The following STARD13 variants were observed in gnomAD, a reference collection of about 807,000 sequenced individuals.
The protein encoded by STARD13 is StAR related lipid transfer domain containing 13.
In STARD13, 62 loss-of-function variants were observed where a neutral mutation model predicts 106.4. The observed-to-expected ratio is 0.58, with a 90% CI of 0.48 to 0.72. STARD13 has a LOEUF of 0.72. Among genes scored for constraint, STARD13 ranks in the 30% least tolerant of loss-of-function variants. STARD13 has a pLI of 0.00. For synonymous variants in STARD13, 565 were observed against 553.0 expected (o/e 1.02, Z -0.31); for missense variants, 1,387 against 1,424.0 (o/e 0.97, Z 0.42).
the STARD13 span, among the ~76,000 whole-genome samples, chr13:33,664,830 G>A: frequency 6.6e-6 from 1 of 152,064 alleles, no homozygotes; most frequent in Non-Finnish European, 1.5e-5. Context: ...GTTTCACCAC[G>A]TTAGCCACTA....
At chr13:33,560,605 T>A in the STARD13 span, among the ~76,000 whole-genome samples, 1 of 151,486 alleles carries the variant, frequency 6.6e-6, no homozygotes, top group Non-Finnish European at 1.5e-5. Flanking sequence ...GAATGGGTTT[T>A]GGCAGCAACA....
the STARD13 span, among the ~76,000 whole-genome samples, chr13:33,637,448 C>G: frequency 6.6e-6 from 1 of 152,170 alleles, no homozygotes; most frequent in African/African-American, 2.4e-5. Flanking sequence ...CAAAACTTGT[C>G]GTGAGAAGGA....
chr13:33,528,252 A>ATATATATATG, the STARD13 span, among the ~76,000 whole-genome samples: 16 of 128,970 alleles, frequency 1.2e-4, no homozygotes, highest in African/African-American at 5.0e-4. Context: ...ACATATATAT[A>ATATATATATG]TATACATATA....
At chr13:33,350,824 C>G (rs920144334), upstream of STARD13, 17 of 198,196 alleles carry the variant, frequency 8.6e-5, no homozygotes, top group Non-Finnish European at 1.4e-4. Context: ...CACGGCCCCC[C>G]ACTCAAGGAG....
the STARD13 span, among the ~76,000 whole-genome samples, chr13:33,565,041 C>G: frequency 2.7e-5 from 4 of 145,844 alleles, no homozygotes; most frequent in Non-Finnish European, 4.5e-5. Context: ...TTTTCAGCAC[C>G]ATGGCTGGAA....
chr13:33,535,488 A>G, the STARD13 span, among the ~76,000 whole-genome samples: 2 of 152,184 alleles, frequency 1.3e-5, no homozygotes, highest in Admixed American at 6.5e-5. Flanking sequence ...AATTAAAGAT[A>G]AAATTGTATT....
the STARD13 span, among the ~76,000 whole-genome samples, chr13:33,633,663 A>G: frequency 1.3e-5 from 2 of 152,212 alleles, no homozygotes; most frequent in African/African-American, 4.8e-5. Flanking sequence ...TAAAAGGCAG[A>G]TGTTATCATG....
At chr13:33,199,204 T>C (rs932030669) in intron 1 of STARD13, among the ~76,000 whole-genome samples, 1 of 152,256 alleles carries the variant, frequency 6.6e-6, no homozygotes, top group African/African-American at 2.4e-5. Flanking sequence ...GATTTAAATA[T>C]GTGCCCCATA....
chr13:33,239,382 G>A (rs537241136), intron 1 of STARD13, among the ~76,000 whole-genome samples: 31 of 152,086 alleles, frequency 2.0e-4, no homozygotes, highest in Non-Finnish European at 3.4e-4. Context: ...AATCCTTTTA[G>A]AGATATACTA....
chr13:33,490,626 C>G, the STARD13 span, among the ~76,000 whole-genome samples: 241 of 152,246 alleles, frequency 1.6e-3, no homozygotes, highest in African/African-American at 5.4e-3. Context: ...CCCCAGCCCC[C>G]GCCCTTCCAG....
the STARD13 span, among the ~76,000 whole-genome samples, chr13:33,378,529 G>C: frequency 6.6e-6 from 1 of 152,118 alleles, no homozygotes; most frequent in Non-Finnish European, 1.5e-5. Context: ...AGTGGCTCAC[G>C]CCTGTAATCC....
chr13:33,296,705 G>A (rs552379650), intron 1 of STARD13, among the ~76,000 whole-genome samples: 1 of 152,118 alleles, frequency 6.6e-6, no homozygotes, highest in South Asian at 2.1e-4. Context: ...TGCAACCTCC[G>A]CCTCCCAGAT....
chr13:33,242,545 A>G (rs1046048300), intron 1 of STARD13, among the ~76,000 whole-genome samples: 7 of 152,170 alleles, frequency 4.6e-5, no homozygotes, highest in Admixed American at 2.6e-4. Context: ...CAGATGCTTG[A>G]AGGCAGCATA....
chr13:33,607,167 G>T, the STARD13 span, among the ~76,000 whole-genome samples: 4 of 148,040 alleles, frequency 2.7e-5, no homozygotes, highest in African/African-American at 2.5e-5. Context: ...TGAAATTTTT[G>T]GTTGATTTTG....
chr13:33,615,398 A>G, the STARD13 span, among the ~76,000 whole-genome samples: 1 of 152,176 alleles, frequency 6.6e-6, no homozygotes, highest in African/African-American at 2.4e-5. Flanking sequence ...GGACATATGG[A>G]TTTTTAAACT....
chr13:33,508,802 A>G, the STARD13 span, among the ~76,000 whole-genome samples: 1 of 152,168 alleles, frequency 6.6e-6, no homozygotes, highest in African/African-American at 2.4e-5. Flanking sequence ...TCATTAGGCA[A>G]TTTTGTCATT....
chr13:33,350,427 T>G, exon 1 of STARD13: 1 of 1,527,404 alleles, frequency 6.5e-7, no homozygotes, highest in East Asian at 2.5e-5. Context: ...AGATCCGTCC[T>G]CATAACGACC....
chr13:33,331,449 T>C (rs1263568543), intron 1 of STARD13, among the ~76,000 whole-genome samples: 1 of 152,040 alleles, frequency 6.6e-6, no homozygotes, highest in Non-Finnish European at 1.5e-5. Flanking sequence ...GCCTCCCAGG[T>C]TCAAGTGATT....
chr13:33,173,716 C>A (rs1462604039), intron 1 of STARD13, among the ~76,000 whole-genome samples: 1 of 152,132 alleles, frequency 6.6e-6, no homozygotes, highest in Non-Finnish European at 1.5e-5. Context: ...GATTATTAAT[C>A]ACTGAATATT....
Sources: gnomAD v4.1 joint callset for allele counts (sites outside exome capture counted in the v4.1 genomes callset) on GRCh38, gnomAD v4.1.1 for gene constraint, MANE v1.5 for transcripts, NCBI Gene and HGNC (gene_info 2026-07-23, HGNC 2026-07-21) for gene names.